SMARCA1: variants seen among roughly 807,000 people sequenced by gnomAD.
SMARCA1 encodes the protein SNF2 related chromatin remodeling ATPase 1, also known as SWI/SNF-related matrix-associated actin-dependent regulator of chromatin subfamily A member 1.
SMARCA1 carries 17 observed loss-of-function variants against 93.6 expected under a neutral mutation model. The ratio of observed to expected loss-of-function variants is 0.18; its 90% CI spans 0.12 to 0.27. The LOEUF (loss-of-function observed/expected upper bound fraction) is 0.27, where lower values mean the gene tolerates loss of function less well. Among genes scored for constraint, SMARCA1 ranks in the 10% least tolerant of loss-of-function variants. The pLI, the probability that SMARCA1 is intolerant of heterozygous loss-of-function variation, is 1.00. For synonymous variants in SMARCA1, 271 were observed against 271.4 expected (o/e 1.00, Z 0.01); for missense variants, 630 against 819.0 (o/e 0.77, Z 2.82).
chrX:129,455,526 A>G (rs2124166607), intron 23 of SMARCA1, among the ~76,000 whole-genome samples: 1 of 110,827 alleles, frequency 9.0e-6, no homozygotes, highest in African/African-American at 3.3e-5. Flanking sequence ...TGATGGGTGC[A>G]GCAAACCACC....
chrX:129,504,016 G>A (rs1602716967), intron 9 of SMARCA1, among the ~76,000 whole-genome samples: 2 of 107,328 alleles, frequency 1.9e-5, no homozygotes, highest in Admixed American at 9.9e-5. Context: ...AGTGGCTCAC[G>A]CCTGTAATCC....
intron 17 of SMARCA1, among the ~76,000 whole-genome samples, chrX:129,484,495 G>C (rs900629679): frequency 9.0e-6 from 1 of 111,626 alleles, no homozygotes; most frequent in African/African-American, 3.3e-5. Context: ...ACTAGCTACA[G>C]TGCAAAACCA....
intron 23 of SMARCA1, among the ~76,000 whole-genome samples, chrX:129,449,606 C>G (rs1176895879): frequency 8.9e-6 from 1 of 111,803 alleles, no homozygotes; most frequent in South Asian, 3.7e-4. Flanking sequence ...TACGGAATAT[C>G]ATATATTATT....
At chrX:129,494,262 T>C (rs1037364228) in intron 12 of SMARCA1, among the ~76,000 whole-genome samples, 2 of 111,493 alleles carry the variant, frequency 1.8e-5, no homozygotes, top group Non-Finnish European at 3.8e-5. Flanking sequence ...AGAAGGATCA[T>C]CCTGAATGGT....
intron 7 of SMARCA1, among the ~76,000 whole-genome samples, chrX:129,507,470 T>C (rs1316535063): frequency 8.9e-6 from 1 of 112,892 alleles, no homozygotes; most frequent in South Asian, 3.6e-4. Flanking sequence ...TTAATTTTCT[T>C]TACATTAAAA....
At chrX:129,499,350 C>T (rs1414041305) in intron 10 of SMARCA1, among the ~76,000 whole-genome samples, 1 of 110,552 alleles carries the variant, frequency 9.0e-6, no homozygotes, top group African/African-American at 3.3e-5. Flanking sequence ...CCAAAGAATG[C>T]TTTTAAAGAA....
chrX:129,468,294 G>A lies in SMARCA1; in HGVS notation c.2698+479C>T, dbSNP rs150643105. ...AAGCAATCTTTTCAGCTCTACGCCC[G>A]CTAGCCCCAAGTTAATGGGACCCAC... On this transcript the variant is annotated intron_variant, in intron 21 of 24. Transcript: ENST00000371121. Among the ~76,000 whole-genome samples the A allele has an allele frequency of 3.5e-3, 398 of 112,160 alleles. 1 individual carries two copies. Among genetic ancestry groups the A allele is most frequent in the Non-Finnish European group, 5.2e-3 (274 of 53,192 alleles).
At chrX:129,451,862 C>A (rs1932318818) in intron 23 of SMARCA1, among the ~76,000 whole-genome samples, 1 of 110,652 alleles carries the variant, frequency 9.0e-6, no homozygotes, top group Non-Finnish European at 1.9e-5. Flanking sequence ...CGCCACCACA[C>A]CCGGCTAATT....
chrX:129,472,628 G>C (rs1933183225), intron 19 of SMARCA1, among the ~76,000 whole-genome samples: 1 of 111,763 alleles, frequency 8.9e-6, no homozygotes, highest in Non-Finnish European at 1.9e-5. Flanking sequence ...TTGACTAAAT[G>C]TCTATTATGT....
At chrX:129,516,128 CA>C in intron 3 of SMARCA1, 134 bp from the exon 4 acceptor site, 1 of 597,540 alleles carries the variant, frequency 1.7e-6, no homozygotes, top group East Asian at 3.5e-5. Flanking sequence ...TCAGTAGAAC[CA>C]GCCTACATTT....
intron 19 of SMARCA1, among the ~76,000 whole-genome samples, chrX:129,478,994 C>T (rs1830523665): frequency 8.9e-6 from 1 of 111,897 alleles, no homozygotes; most frequent in South Asian, 3.8e-4. Context: ...TGATCTTGAA[C>T]AAGGTCATTT....
intron 11 of SMARCA1, 77 bp from the exon 12 acceptor site, chrX:129,496,948 G>T: frequency 1.1e-6 from 1 of 934,737 alleles, no homozygotes; most frequent in Non-Finnish European, 1.5e-6. Flanking sequence ...ATAAACATAT[G>T]CAACATAAAT....
At chrX:129,489,204 T>C (rs1473070865) in intron 15 of SMARCA1, 119 bp from the exon 16 acceptor site, 1 of 420,498 alleles carries the variant, frequency 2.4e-6, no homozygotes, top group African/African-American at 2.5e-5. Context: ...AACAAAAAAT[T>C]AGTGAGCATT....
intron 19 of SMARCA1, among the ~76,000 whole-genome samples, chrX:129,472,090 G>C (rs1187698114): frequency 3.6e-5 from 4 of 111,875 alleles, no homozygotes; most frequent in African/African-American, 1.3e-4. Context: ...CAAAACTGTA[G>C]CCTGCAGAGC....
chrX:129,504,450 G>C (rs980719112), intron 9 of SMARCA1, among the ~76,000 whole-genome samples: 3 of 105,245 alleles, frequency 2.9e-5, no homozygotes, highest in Admixed American at 2.1e-4. Flanking sequence ...TGGGGTGTGG[G>C]AGCAGGAACA....
Position 129,487,085 on chromosome X carries a change from T to C in SMARCA1, c.2150A>G (p.Asn717Ser), listed in dbSNP as rs1933923066. 4 of 1,169,362 alleles carry C rather than the reference T, an allele frequency of 3.4e-6. No homozygotes were observed. Among genetic ancestry groups the C allele is most frequent in the Admixed American group, 2.2e-5 (1 of 44,802 alleles). Residue 717 changes from asparagine to serine, a missense_variant, in exon 17 of 25, where the codon AAT becomes AGT. Physicochemically the swap from Asn to Ser is conservative, Grantham distance 46. This residue lies in a region of SMARCA1 where 382 missense variants were observed against 537.9 expected (regional missense o/e 0.71). Transcript: ENST00000371121. Reference sequence around the variant, plus strand: ...ACTTTGTTCAATGTCCATTCTAAAATTTCTTAGAGAAGACTCTCCCATTTT... The same window carrying C: ...ACTTTGTTCAATGTCCATTCTAAAACTTCTTAGAGAAGACTCTCCCATTTT... ...LQKMGESSLRNFRMDIEQSLY... is the reference protein window; with the variant it reads ...LQKMGESSLRSFRMDIEQSLY...
intron 19 of SMARCA1, among the ~76,000 whole-genome samples, chrX:129,475,146 T>A (rs184653979): frequency 9.4e-6 from 1 of 106,672 alleles, no homozygotes; most frequent in Admixed American, 1.0e-4. Flanking sequence ...TAATAAGACA[T>A]ACATTTTTTT....
chrX:129,452,037 A>G (rs1932336600), intron 23 of SMARCA1, among the ~76,000 whole-genome samples: 1 of 111,928 alleles, frequency 8.9e-6, no homozygotes, highest in African/African-American at 3.2e-5. Flanking sequence ...ATGACTGCCT[A>G]ACGCAACATA....
In SMARCA1 at chrX:129,518,572, T is replaced by C. The variant is rs184039644; in HGVS notation, c.175-125A>G. 1,271 of 394,667 alleles carry C rather than the reference T, an allele frequency of 3.2e-3. 5 individuals carry two copies. The highest frequency in any genetic ancestry group is 4.8e-3 in the Non-Finnish European group (1,094 of 226,759). The allele number at this position is 394,667 out of a possible 1,213,427, so 32.5% of individuals were successfully genotyped here. ...TAAATATATAAATCAATGTGGGACA[T>C]GTATGGACCAATGATGAGAGCATGT... On this transcript the variant is annotated intron_variant, in intron 1 of 24. Transcript: ENST00000371121.
Sources: allele counts gnomAD v4.1 joint callset (sites outside exome capture counted in the v4.1 genomes callset), GRCh38; gene constraint gnomAD v4.1.1; regional missense constraint gnomAD v4.1.1; transcripts MANE v1.5; gene names NCBI Gene and HGNC (gene_info 2026-07-23, HGNC 2026-07-21).